IPO5: variants seen among roughly 807,000 people sequenced by gnomAD.
IPO5 encodes the protein importin 5.
Under a neutral mutation model 143.3 loss-of-function variants are expected in IPO5, and 18 were observed. The ratio of observed to expected loss-of-function variants is 0.13; its 90% confidence interval spans 0.09 to 0.19. The LOEUF (loss-of-function observed/expected upper bound fraction) is 0.19, where lower values mean the gene tolerates loss of function less well. Ranked by LOEUF, IPO5 falls within the 10% of genes least tolerant of loss-of-function variation. The probability of loss-of-function intolerance (pLI) is 1.00; values close to 1 mark genes in which losing one functional copy is unlikely to be tolerated. For synonymous variants in IPO5, 477 were observed against 465.7 expected, an observed-to-expected ratio of 1.02 and a Z score of -0.31; for missense variants, 1,013 against 1,336.9, an observed-to-expected ratio of 0.76 and a Z score of 3.78.
Position 97,982,644 on chromosome 13 carries a change from A to G in IPO5, c.171+61A>G, listed in dbSNP as rs879117056. 31 of 1,047,588 alleles carry G rather than the reference A, an allele frequency of 3.0e-5. No individual in the cohort carries two copies. The South Asian group carries it at 3.1e-4, about 10-fold the overall frequency. 64.9% of individuals were successfully genotyped at this position (1,047,588 alleles called of 1,614,324 possible). A position where few individuals can be genotyped will look rare whatever the true frequency, so the allele number is the denominator to read the frequency against. ...GAAAATAAGTTATTAGATGATGATC[A>G]TAGTAGAAATTAGAGAAATGAGAAT... On this transcript the variant is annotated intron_variant, in intron 5 of 28. Transcript: ENST00000651721.
chr13:97,985,240 G>T (rs1887227689), intron 5 of IPO5, among the ~76,000 whole-genome samples, 181 bp from the exon 6 acceptor site: 1 of 152,130 alleles, frequency 6.6e-6, no homozygotes, highest in Non-Finnish European at 1.5e-5. Flanking sequence ...CTCACCTTAA[G>T]TACAAATGGC....
intron 4 of IPO5, chr13:97,981,158 C>G: frequency 7.1e-6 from 3 of 424,022 alleles, no homozygotes; most frequent in Non-Finnish European, 1.4e-5. Context: ...TGTTAAGATC[C>G]TATGTGCTTT....
At chr13:97,976,128 G>A (rs1413778855) in intron 3 of IPO5, 1 of 211,162 alleles carries the variant, frequency 4.7e-6, no homozygotes, top group African/African-American at 2.4e-5. Context: ...GTCGCTAGAA[G>A]GAGGCCGACC....
intron 3 of IPO5, among the ~76,000 whole-genome samples, chr13:97,970,490 G>A (rs1297229279): frequency 1.3e-5 from 2 of 151,988 alleles, no homozygotes; most frequent in Non-Finnish European, 2.9e-5. Flanking sequence ...GCATGGTGGC[G>A]GGCGCCTGTA....
rs772929441 is a variant in IPO5 at position 98,009,863 on chromosome 13, T to C, written c.1801-18T>C. 6.5e-7 allele frequency: 1 copy of C among 1,546,760 alleles called. No homozygotes were observed. The highest frequency in any genetic ancestry group is 2.4e-5 in the East Asian group (1 of 41,686). ...CCATTGTTTTTTAATCTATTTTAAT[T>C]TTAAAATTTTTCCCCAGATCTCTTA... On this transcript the variant is annotated intron_variant, in intron 18 of 28. Coordinates refer to ENST00000651721, the MANE Select transcript of IPO5 (RefSeq NM_002271.6).
At chr13:98,021,235 AT>A in intron 28 of IPO5, 102 bp downstream of exon 28, 1 of 1,048,902 alleles carries the variant, frequency 9.5e-7, no homozygotes, top group Non-Finnish European at 1.4e-6. Context: ...AAGGAATTTT[AT>A]TTTTATATTT....
intron 11 of IPO5, among the ~76,000 whole-genome samples, chr13:97,996,040 A>G (rs115285820): frequency 0.012 from 1,863 of 152,244 alleles, 27 homozygotes; most frequent in African/African-American, 0.034. Flanking sequence ...CACACAATCA[A>G]CAGTTTTGTT....
intron 2 of IPO5, among the ~76,000 whole-genome samples, chr13:97,965,951 G>T (rs572837665): frequency 6.6e-6 from 1 of 151,914 alleles, no homozygotes; most frequent in Admixed American, 6.6e-5. Context: ...AAACCAGCCT[G>T]GCCAACATGG....
At chr13:97,959,285 C>T (rs917662322) in intron 2 of IPO5, among the ~76,000 whole-genome samples, 1 of 152,126 alleles carries the variant, frequency 6.6e-6, no homozygotes, top group Non-Finnish European at 1.5e-5. Context: ...CTCTGCTGGC[C>T]TCTCAACCCT....
rs190301353 is a variant in IPO5 at position 97,969,243 on chromosome 13, G to A, written c.-112-480G>A. Among the ~76,000 whole-genome samples the A allele has an allele frequency of 2.1e-3, 294 of 137,446 alleles. 2 individuals carry two copies. Among genetic ancestry groups the A allele is most frequent in the East Asian group, 0.011 (48 of 4,480 alleles). The allele number at this position is 137,446 out of a possible 152,430, so 90.2% of individuals were successfully genotyped here. On this transcript the variant is annotated intron_variant, in intron 2 of 28. Transcript: ENST00000651721. ...GTCACCCAGGCTGGTGAGCAGTGGC[G>A]CGATCTCAGCTCACCGCAAGCTCTG...
At chr13:97,990,248 T>G in intron 8 of IPO5, 26 bp downstream of exon 8, 3 of 1,456,382 alleles carry the variant, frequency 2.1e-6, no homozygotes, top group Non-Finnish European at 2.9e-6. Flanking sequence ...CCTATTAATA[T>G]AACCATCTAT....
intron 6 of IPO5, 21 bp downstream of exon 6, chr13:97,985,634 A>G (rs1887272408): frequency 3.8e-6 from 6 of 1,572,668 alleles, no homozygotes; most frequent in South Asian, 1.1e-5. Flanking sequence ...AGGTGCACTC[A>G]TGTTACCAAG....
At chr13:98,004,244 CCA>C (rs1889032795) in intron 16 of IPO5, among the ~76,000 whole-genome samples, 1 of 152,178 alleles carries the variant, frequency 6.6e-6, no homozygotes, top group Non-Finnish European at 1.5e-5. Flanking sequence ...AGTTAACAAA[CCA>C]CAGTTTGCAT....
At chr13:97,986,556 G>A (rs972592493) in intron 6 of IPO5, among the ~76,000 whole-genome samples, 40 of 151,950 alleles carry the variant, frequency 2.6e-4, no homozygotes, top group African/African-American at 9.4e-4. Flanking sequence ...CTCCATGTTG[G>A]TCAGGCTGGT....
chr13:98,019,146 G>C (rs962977057), intron 26 of IPO5, among the ~76,000 whole-genome samples: 5 of 152,096 alleles, frequency 3.3e-5, no homozygotes, highest in African/African-American at 9.6e-5. Context: ...TAGAGATGGG[G>C]TTTCACCATG....
At chr13:97,983,727 T>G (rs1887059185) in intron 5 of IPO5, among the ~76,000 whole-genome samples, 1 of 152,106 alleles carries the variant, frequency 6.6e-6, no homozygotes. Flanking sequence ...TATAAAATGC[T>G]TATCCTTGAT....
Position 98,002,755 on chromosome 13 carries a change from A to G in IPO5, c.1305A>G (p.Gln435=), listed in dbSNP as rs373691380. 7.4e-6 allele frequency: 12 copies of G among 1,612,008 alleles called. No homozygotes were observed. Among genetic ancestry groups the G allele is most frequent in the South Asian group, 1.1e-5 (1 of 90,828 alleles). ...QMATDFAPGF[Q]KKFHEKVIAA... is the part of the protein sequence containing the mutation. ...CTACAGATTTTGCACCTGGTTTCCA[A>G]AAGAAATTTCATGAGAAGGTAAGTA... Residue 435 remains glutamine, a synonymous_variant, in exon 15 of 29, where the codon CAA becomes CAG. Transcript: ENST00000651721.
intron 5 of IPO5, among the ~76,000 whole-genome samples, chr13:97,984,879 T>A (rs1301481688): frequency 6.6e-6 from 1 of 152,204 alleles, no homozygotes; most frequent in African/African-American, 2.4e-5. Context: ...TTACACAGAT[T>A]TGAAAATGAA....
At chr13:97,968,630 A>G (rs1885552572) in intron 2 of IPO5, among the ~76,000 whole-genome samples, 1 of 152,130 alleles carries the variant, frequency 6.6e-6, no homozygotes, top group African/African-American at 2.4e-5. Flanking sequence ...TTTATCTCTA[A>G]TGACATTTTT....
Sources: gnomAD v4.1 joint callset for allele counts (sites outside exome capture counted in the v4.1 genomes callset) on GRCh38, gnomAD v4.1.1 for gene constraint, MANE v1.5 for transcripts, NCBI Gene and HGNC (gene_info 2026-07-23, HGNC 2026-07-21) for gene names.